SV2C: variants seen among roughly 807,000 people sequenced by gnomAD.
SV2C encodes synaptic vesicle glycoprotein 2C.
In SV2C, 49 loss-of-function variants were observed where a neutral mutation model predicts 79.7. That is an observed-to-expected ratio of 0.61 (90% CI 0.49 to 0.78). The LOEUF (loss-of-function observed/expected upper bound fraction) is 0.78. SV2C is among the 30% of genes least tolerant of loss of function. SV2C has a pLI of 0.00. For synonymous variants in SV2C, 334 were observed against 333.2 expected (o/e 1.00, Z -0.03); for missense variants, 833 against 912.9 (o/e 0.91, Z 1.13).
chr5:76,131,183 G>A (rs962470812), intron 1 of SV2C, among the ~76,000 whole-genome samples: 1 of 152,228 alleles, frequency 6.6e-6, no homozygotes, highest in Middle Eastern at 3.4e-3. Flanking sequence ...TGTATATGGG[G>A]CTGCTTGCTT....
At chr5:76,030,291 TTA>T in the SV2C span, among the ~76,000 whole-genome samples, 20,714 of 97,434 alleles carry the variant, frequency 0.21, 4,461 homozygotes, top group Non-Finnish European at 0.33. Flanking sequence ...TTTTTTTTTT[TTA>T]TTTATTCCTG....
chr5:76,083,335 A>G (rs11740568), upstream of SV2C: 7,058 of 152,428 alleles, frequency 0.046, 226 homozygotes, highest in Non-Finnish European at 0.073. Flanking sequence ...GCAAGCCGGG[A>G]GCCACTTTCC....
At chr5:75,865,224 G>T in the SV2C span, among the ~76,000 whole-genome samples, 1 of 152,242 alleles carries the variant, frequency 6.6e-6, no homozygotes, top group African/African-American at 2.4e-5. Flanking sequence ...AATAAAGTCA[G>T]AAAGGCTGGC....
At chr5:75,956,617 G>T in the SV2C span, among the ~76,000 whole-genome samples, 1 of 151,892 alleles carries the variant, frequency 6.6e-6, no homozygotes, top group Non-Finnish European at 1.5e-5. Context: ...ATTAAGACCA[G>T]AATCTGATTA....
At chr5:75,950,044 A>G in the SV2C span, among the ~76,000 whole-genome samples, 6 of 151,924 alleles carry the variant, frequency 3.9e-5, no homozygotes, top group Non-Finnish European at 8.8e-5. Flanking sequence ...AGAGGAGAGG[A>G]GTGTGGGAAA....
the SV2C span, among the ~76,000 whole-genome samples, chr5:76,067,285 A>G: frequency 6.6e-6 from 1 of 151,964 alleles, no homozygotes; most frequent in African/African-American, 2.4e-5. Flanking sequence ...TTGTGTGGTA[A>G]GACTATCAAG....
chr5:75,930,622 A>G, the SV2C span, among the ~76,000 whole-genome samples: 1 of 152,224 alleles, frequency 6.6e-6, no homozygotes, highest in Non-Finnish European at 1.5e-5. Flanking sequence ...GACCTTTATG[A>G]AAAAGAATAA....
At chr5:76,212,417 G>A (rs1744791732) in intron 4 of SV2C, among the ~76,000 whole-genome samples, 1 of 151,670 alleles carries the variant, frequency 6.6e-6, no homozygotes, top group African/African-American at 2.4e-5. Context: ...GCTCAACCTG[G>A]CAAATTTATA....
chr5:75,956,692 CAGGG>C, the SV2C span, among the ~76,000 whole-genome samples: 1 of 151,874 alleles, frequency 6.6e-6, no homozygotes, highest in Non-Finnish European at 1.5e-5. Flanking sequence ...ACACCAAAGT[CAGGG>C]AGTAGAATCC....
the SV2C span, among the ~76,000 whole-genome samples, chr5:75,857,112 C>A: frequency 6.6e-6 from 1 of 152,030 alleles, no homozygotes; most frequent in Non-Finnish European, 1.5e-5. Flanking sequence ...TGCCTGCCAC[C>A]ACGCCTGGCT....
At chr5:76,201,069 A>G (rs1744425914) in intron 3 of SV2C, among the ~76,000 whole-genome samples, 1 of 152,242 alleles carries the variant, frequency 6.6e-6, no homozygotes, top group South Asian at 2.1e-4. Flanking sequence ...TGTCCAGCTG[A>G]CATATTGTAT....
At chr5:75,889,848 A>G in the SV2C span, among the ~76,000 whole-genome samples, 2 of 151,994 alleles carry the variant, frequency 1.3e-5, no homozygotes, top group Non-Finnish European at 2.9e-5. Flanking sequence ...CAAGGTGCCC[A>G]CTCTAGAGAT....
chr5:76,079,567 C>T, upstream of SV2C: 1 of 321,850 alleles, frequency 3.1e-6, no homozygotes, highest in Non-Finnish European at 6.3e-6. Flanking sequence ...TGATTTTTGA[C>T]CCATGAATGA....
chr5:75,877,795 G>T, the SV2C span, among the ~76,000 whole-genome samples: 1,776 of 151,908 alleles, frequency 0.012, 30 homozygotes, highest in African/African-American at 0.04. Flanking sequence ...AGTGTTGAAG[G>T]GTATAAGTGT....
At chr5:76,047,096 C>T in the SV2C span, among the ~76,000 whole-genome samples, 1 of 152,110 alleles carries the variant, frequency 6.6e-6, no homozygotes, top group African/African-American at 2.4e-5. Flanking sequence ...TTTTTGTATG[C>T]TTTTGATTGA....
At chr5:76,112,652 ACACGTGATGGTGG>A (rs1357426561) in intron 1 of SV2C, among the ~76,000 whole-genome samples, 4 of 152,236 alleles carry the variant, frequency 2.6e-5, no homozygotes, top group Non-Finnish European at 5.9e-5. Flanking sequence ...TGTTCAGGTG[ACACGTGATGGTGG>A]CTTAGACCAG....
chr5:76,240,445 C>A (rs1745750753), intron 4 of SV2C, among the ~76,000 whole-genome samples: 1 of 152,248 alleles, frequency 6.6e-6, no homozygotes, highest in African/African-American at 2.4e-5. Context: ...CTCTCATCCC[C>A]ACACAGACTC....
the SV2C span, among the ~76,000 whole-genome samples, chr5:76,058,813 G>A: frequency 9.2e-5 from 14 of 152,118 alleles, no homozygotes; most frequent in Non-Finnish European, 1.6e-4. Flanking sequence ...ACTAAGTTAA[G>A]TACATGTAGA....
At chr5:75,947,239 G>T in the SV2C span, among the ~76,000 whole-genome samples, 1 of 152,034 alleles carries the variant, frequency 6.6e-6, no homozygotes, top group African/African-American at 2.4e-5. Context: ...AACTTGTGGA[G>T]TGGAATCCCC....
Sources: allele counts gnomAD v4.1 joint callset (sites outside exome capture counted in the v4.1 genomes callset), GRCh38; gene constraint gnomAD v4.1.1; transcripts MANE v1.5; gene names NCBI Gene and HGNC (gene_info 2026-07-23, HGNC 2026-07-21).